NOP14: variants seen among roughly 807,000 people sequenced by gnomAD.
The protein encoded by NOP14 is nucleolar protein 14.
A neutral mutation model predicts 101.6 loss-of-function variants in NOP14; 57 were observed. The observed-to-expected ratio is 0.56, with a 90% CI of 0.45 to 0.70. NOP14 has a LOEUF of 0.70. Among genes scored for constraint, NOP14 ranks in the 30% least tolerant of loss-of-function variants. The pLI is 0.00. For synonymous variants in NOP14, 428 were observed against 424.0 expected, an observed-to-expected ratio of 1.01 and a Z score of -0.12; for missense variants, 1,134 against 1,075.5, an observed-to-expected ratio of 1.05 and a Z score of -0.76.
At chr4:2,942,085 C>T (rs765173908) in intron 14 of NOP14, 107 bp downstream of exon 14, 272 of 1,173,356 alleles carry the variant, frequency 2.3e-4, no homozygotes, top group Non-Finnish European at 3.1e-4. Context: ...ACCAAACGGC[C>T]GGGCGGCAAG....
In NOP14 at chr4:2,938,933, A is replaced by G; in HGVS notation, c.2475-3T>C. On this transcript the variant is annotated splice_polypyrimidine_tract_variant and splice_region_variant and intron_variant, in intron 17 of 17. Transcript: ENST00000416614. ...CTTTCCGCTTTCTTTCCGCATCCCT[A>G]AAAGAAACAAAAGGCAAATGCCCAT... 6.2e-7 allele frequency: 1 copy of G among 1,612,420 alleles called. No individual in the cohort carries two copies. Among genetic ancestry groups the G allele is most frequent in the Non-Finnish European group, 8.5e-7 (1 of 1,178,506 alleles).
intron 4 of NOP14, 93 bp downstream of exon 4, chr4:2,954,331 A>G: frequency 7.1e-7 from 1 of 1,402,402 alleles, no homozygotes; most frequent in Non-Finnish European, 9.8e-7. Context: ...TATTAAACAC[A>G]GCCTAAAAAG....
At chr4:2,950,392 G>A in intron 7 of NOP14, 179 bp from the exon 8 acceptor site, 1 of 642,612 alleles carries the variant, frequency 1.6e-6, no homozygotes, top group South Asian at 1.9e-5. Flanking sequence ...CCGCTTCTAG[G>A]CTATTCGAGC....
intron 12 of NOP14, among the ~76,000 whole-genome samples, 199 bp from the exon 13 acceptor site, chr4:2,944,425 AGACG>A (rs1191363990): frequency 2.0e-5 from 3 of 151,974 alleles, no homozygotes; most frequent in Admixed American, 6.5e-5. Context: ...TTTTTTCCCG[AGACG>A]GAGTTTCACT....
intron 1 of NOP14, among the ~76,000 whole-genome samples, chr4:2,960,765 A>C (rs1202091208): frequency 1.1e-5 from 1 of 93,922 alleles, no homozygotes; most frequent in African/African-American, 3.9e-5. Flanking sequence ...TCACATTAAT[A>C]TTAATATATT....
rs116524203 is a variant in NOP14 at position 2,950,731 on chromosome 4, A to T, written c.1002+383T>A. ...CTACACCAGTCATGGAAACTCAATG[A>T]CATCACTCAAAGAAAATTCACAACT... is the stretch of plus-strand genomic sequence containing the variant. On this transcript the variant is annotated intron_variant, in intron 7 of 17. Coordinates refer to ENST00000416614, the MANE Select transcript of NOP14 (RefSeq NM_001291978.2). The T allele has an allele frequency of 5.6e-3, 1,110 of 197,780 alleles. 10 individuals are homozygous for T. The highest frequency in any genetic ancestry group is 0.024 in the African/African-American group (1,030 of 42,756). The allele number at this position is 197,780 out of a possible 1,614,324, so 12.3% of individuals were successfully genotyped here. A position where few individuals can be genotyped will look rare whatever the true frequency, so the allele number is the denominator to read the frequency against.
chr4:2,957,352 T>G (rs571554364), intron 2 of NOP14, among the ~76,000 whole-genome samples: 1 of 152,196 alleles, frequency 6.6e-6, no homozygotes, highest in Non-Finnish European at 1.5e-5. Flanking sequence ...ACTCCAGCAA[T>G]GCTGCTCAGC....
chr4:2,963,015 G>A, intron 1 of NOP14, 110 bp downstream of exon 1: 2 of 1,137,906 alleles, frequency 1.8e-6, no homozygotes, highest in African/African-American at 1.6e-5. Context: ...TGCCTGTCAC[G>A]GCCTGTGCCG....
In NOP14 at chr4:2,963,105, C is replaced by T. The variant is rs540600228; in HGVS notation, c.195+20G>A. On this transcript the variant is annotated intron_variant, in intron 1 of 17. Coordinates refer to ENST00000416614, the MANE Select transcript of NOP14 (RefSeq NM_001291978.2). ...GGGTCCAGATCCTGCCTTCCGGCTC[C>T]CCGTGCGCCCCCCGCTTACCTTCCT... 3.5e-5 allele frequency: 53 copies of T among 1,522,902 alleles called. No homozygotes were observed. The East Asian group carries it at 8.1e-4, about 23-fold the overall frequency. The allele number at this position is 1,522,902 out of a possible 1,614,324, so 94.3% of individuals were successfully genotyped here.
At chr4:2,941,888 G>T in intron 14 of NOP14, 159 bp from the exon 15 acceptor site, 1 of 825,482 alleles carries the variant, frequency 1.2e-6, no homozygotes, top group Non-Finnish European at 1.9e-6. Flanking sequence ...CCACGGGCAA[G>T]GCAGGCTCAG....
chr4:2,942,583 G>C (rs1260536744), intron 13 of NOP14, among the ~76,000 whole-genome samples: 3 of 152,316 alleles, frequency 2.0e-5, no homozygotes, highest in Admixed American at 6.5e-5. Flanking sequence ...CTGCCTGAGA[G>C]GCCTGCTGGC....
chr4:2,946,391 CCTAGA>C lies in NOP14; in HGVS notation c.1635+16_1635+20del. 6.2e-7 allele frequency: 1 copy of C among 1,613,788 alleles called. No individual in the cohort carries two copies. The highest frequency in any genetic ancestry group is 1.3e-5 in the African/African-American group (1 of 75,076). ...CAGAACTTCTGTGGCAGGGGCAGTG[CCTAGA>C]CTGAACTCTGCTTACCACATCCAAC... On this transcript the variant is annotated intron_variant, in intron 11 of 17. Transcript: ENST00000416614.
intron 1 of NOP14, among the ~76,000 whole-genome samples, chr4:2,960,240 A>G (rs186976589): frequency 7.9e-5 from 12 of 152,128 alleles, no homozygotes; most frequent in South Asian, 2.1e-4. Context: ...CCAAAGTGCT[A>G]GGATCACAGG....
chr4:2,939,031 C>T (rs2109286566), intron 17 of NOP14, 101 bp from the exon 18 acceptor site: 13 of 1,471,318 alleles, frequency 8.8e-6, no homozygotes, highest in South Asian at 3.5e-5. Flanking sequence ...ACCGTGGCCA[C>T]GTTCAGTTCA....
In NOP14 at chr4:2,952,416, A is replaced by AT. The variant is rs1186273386; in HGVS notation, c.748-20dup. Reference sequence around the variant, plus strand: ...CATCGGGCTAAGGTAGAAAGAAGAAATTCTTCATTTTAAAAATATATTTAT... The same window carrying AT: ...CATCGGGCTAAGGTAGAAAGAAGAAATTTCTTCATTTTAAAAATATATTTAT... On this transcript the variant is annotated intron_variant, in intron 5 of 17. Coordinates refer to ENST00000416614, the MANE Select transcript of NOP14 (RefSeq NM_001291978.2). 6.4e-7 allele frequency: 1 copy of AT among 1,557,550 alleles called. No homozygotes were observed. The highest frequency in any genetic ancestry group is 8.7e-7 in the Non-Finnish European group (1 of 1,155,118).
rs1013966432 is a variant in NOP14, at chr4:2,938,535, G to A, written c.*296C>T. The A allele has an allele frequency of 2.3e-6, 1 of 432,360 alleles. No homozygotes were observed. Among genetic ancestry groups the A allele is most frequent in the Non-Finnish European group, 4.2e-6 (1 of 236,002 alleles). The allele number at this position is 432,360 out of a possible 1,614,324, so 26.8% of individuals were successfully genotyped here. A position where few individuals can be genotyped will look rare whatever the true frequency, so the allele number is the denominator to read the frequency against. ...AAAAAATTTTTTTTTAAGCGACACA[G>A]TCTTGCACTGTGGCCGAGGCTGGAG... On this transcript the variant is annotated 3_prime_UTR_variant, in exon 18 of 18. Transcript: ENST00000416614.
At chr4:2,940,401 C>G (rs939052653) in intron 15 of NOP14, 2 of 152,228 alleles carry the variant, frequency 1.3e-5, no homozygotes, top group African/African-American at 4.8e-5. Flanking sequence ...CCATGGAGAC[C>G]AAACTCAAGG....
At chr4:2,941,814 C>T (rs1714220450) in intron 14 of NOP14, 85 bp from the exon 15 acceptor site, 1 of 1,451,932 alleles carries the variant, frequency 6.9e-7, no homozygotes, top group Non-Finnish European at 9.4e-7. Flanking sequence ...TGAACTTCCC[C>T]ACTTCCACTA....
chr4:2,963,155 G>C lies in NOP14; in HGVS notation c.165C>G (p.Pro55=). 1.3e-6 allele frequency: 2 copies of C among 1,573,502 alleles called. No individual in the cohort carries two copies. The highest frequency in any genetic ancestry group is 1.7e-6 in the Non-Finnish European group (2 of 1,163,012). The change falls in exon 1 of 18, where the codon CCC becomes CCG. Residue 55 remains proline, a synonymous_variant. Coordinates refer to ENST00000416614, the MANE Select transcript of NOP14 (RefSeq NM_001291978.2). ...GRKTRHDVGL[P]GVSRARALRK... ...TGAGGGCCCGTGCGCGAGACACCCC[G>C]GGCAGTCCCACGTCGTGGCGCGTCT... is the stretch of plus-strand genomic sequence containing the variant.
Sources: gnomAD v4.1 joint callset for allele counts (sites outside exome capture counted in the v4.1 genomes callset) on GRCh38, gnomAD v4.1.1 for gene constraint, MANE v1.5 for transcripts, NCBI Gene and HGNC (gene_info 2026-07-23, HGNC 2026-07-21) for gene names.